PDPN: variants seen among roughly 807,000 people sequenced by gnomAD.
The protein encoded by PDPN is podoplanin.
A neutral mutation model predicts 23.2 loss-of-function variants in PDPN; 12 were observed. The observed-to-expected ratio is 0.52, with a 90% CI of 0.33 to 0.84. The LOEUF (loss-of-function observed/expected upper bound fraction) is 0.84, where lower values mean the gene tolerates loss of function less well. Ranked by LOEUF, PDPN falls within the 40% of genes least tolerant of loss-of-function variation. The pLI, the probability that PDPN is intolerant of heterozygous loss-of-function variation, is 0.02. For synonymous variants in PDPN, 77 were observed against 76.7 expected (o/e 1.00, Z -0.02); for missense variants, 199 against 212.2 (o/e 0.94, Z 0.39).
intron 1 of PDPN, among the ~76,000 whole-genome samples, chr1:13,606,042 T>A (rs1156953167): frequency 6.6e-6 from 1 of 151,552 alleles, no homozygotes; most frequent in Non-Finnish European, 1.5e-5. Context: ...TCGGCTGGAG[T>A]GCAGTGATGC....
chr1:13,615,733 C>G (rs1461006723), intron 5 of PDPN, among the ~76,000 whole-genome samples, 172 bp from the exon 6 acceptor site: 1 of 152,030 alleles, frequency 6.6e-6, no homozygotes, highest in Non-Finnish European at 1.5e-5. Flanking sequence ...GCAGTTTGAC[C>G]CTGCTGTGTG....
intron 4 of PDPN, 147 bp downstream of exon 4, chr1:13,613,872 T>C (rs1225068798): frequency 2.4e-4 from 9 of 36,796 alleles, no homozygotes; most frequent in Non-Finnish European, 3.9e-4. Context: ...ATTTCAAGCT[T>C]TTTTTTTTTT....
At chr1:13,601,960 C>G (rs193225684) in intron 1 of PDPN, among the ~76,000 whole-genome samples, 2 of 150,542 alleles carry the variant, frequency 1.3e-5, no homozygotes, top group Non-Finnish European at 3.0e-5. Flanking sequence ...AGATGTAGGC[C>G]GGGTGCGGTG....
chr1:13,588,096 A>C (rs1640227253), intron 1 of PDPN, among the ~76,000 whole-genome samples: 1 of 151,970 alleles, frequency 6.6e-6, no homozygotes, highest in South Asian at 2.1e-4. Flanking sequence ...TGACATTGTG[A>C]GGCAATGCTA....
At chr1:13,585,507 G>A (rs1405950368) in intron 1 of PDPN, 65 of 1,349,774 alleles carry the variant, frequency 4.8e-5, no homozygotes, top group Non-Finnish European at 4.9e-6. Flanking sequence ...GTGCTCACCA[G>A]GGCAAAGCAA....
chr1:13,594,527 T>C (rs1640437089), intron 1 of PDPN, among the ~76,000 whole-genome samples: 1 of 152,168 alleles, frequency 6.6e-6, no homozygotes, highest in Non-Finnish European at 1.5e-5. Flanking sequence ...TCAGTGCCTG[T>C]GAAGACACAG....
intron 1 of PDPN, among the ~76,000 whole-genome samples, chr1:13,605,282 AG>A (rs1640753610): frequency 1.3e-5 from 2 of 152,230 alleles, no homozygotes; most frequent in African/African-American, 4.8e-5. Context: ...AGTGCTGCCT[AG>A]AGACAAACAA....
intron 1 of PDPN, among the ~76,000 whole-genome samples, chr1:13,596,178 G>GA (rs1640492260): frequency 1.4e-5 from 2 of 143,946 alleles, no homozygotes; most frequent in Admixed American, 1.4e-4. Context: ...TAGCCTGGGT[G>GA]ACAGAGCAAG....
intron 1 of PDPN, among the ~76,000 whole-genome samples, chr1:13,593,196 CAGAA>C (rs781665026): frequency 4.6e-5 from 7 of 152,214 alleles, no homozygotes; most frequent in Admixed American, 1.3e-4. Flanking sequence ...ATAGGAATGA[CAGAA>C]AGCAGATAAT....
chr1:13,601,115 C>T (rs1640631404), intron 1 of PDPN, among the ~76,000 whole-genome samples: 1 of 152,218 alleles, frequency 6.6e-6, no homozygotes, highest in Non-Finnish European at 1.5e-5. Context: ...TGTTTGAATA[C>T]TTACTTTTCC....
intron 1 of PDPN, among the ~76,000 whole-genome samples, chr1:13,584,797 T>C (rs573924106): frequency 1.3e-5 from 2 of 149,780 alleles, no homozygotes; most frequent in East Asian, 4.6e-4. Flanking sequence ...GGCAACAACA[T>C]CAGTGGCTGA....
chr1:13,610,467 A>G lies in PDPN; in HGVS notation c.282A>G (p.Glu94=). 1.2e-6 allele frequency: 2 copies of G among 1,614,120 alleles called. No individual in the cohort carries two copies. Among genetic ancestry groups the G allele is most frequent in the Non-Finnish European group, 1.7e-6 (2 of 1,179,978 alleles). ...PTSESTVHAQ[E]QSPSATASNV... The stretch of plus-strand genomic sequence containing the variant: ...CAGAAAGCACAGTCCACGCGCAAGA[A>G]CAAAGTCCAAGCGCCACAGCCTCAA... Residue 94 remains glutamate (E), a synonymous_variant, in exon 3 of 6, where the codon GAA becomes GAG. Transcript: ENST00000621990.
intron 3 of PDPN, among the ~76,000 whole-genome samples, chr1:13,611,547 G>A (rs937592886): frequency 2.0e-5 from 3 of 152,192 alleles, no homozygotes; most frequent in Non-Finnish European, 4.4e-5. Context: ...ACATAAAGTA[G>A]AGTGGTGGTT....
chr1:13,585,658 G>T (rs1488549742), intron 1 of PDPN: 1 of 1,350,476 alleles, frequency 7.4e-7, no homozygotes, highest in Non-Finnish European at 9.8e-7. Flanking sequence ...AAAAGATGGC[G>T]TTAAAACCGA....
intron 1 of PDPN, among the ~76,000 whole-genome samples, chr1:13,590,332 A>G (rs1640306876): frequency 6.6e-6 from 1 of 152,226 alleles, no homozygotes; most frequent in South Asian, 2.1e-4. Context: ...AAAGAGAGGC[A>G]AGACAGGTGC....
intron 1 of PDPN, chr1:13,595,754 G>A: frequency 3.0e-6 from 2 of 660,818 alleles, no homozygotes; most frequent in Non-Finnish European, 4.8e-6. Flanking sequence ...ACACGAAATT[G>A]AACGGCAGGG....
At chr1:13,608,787 A>G (rs900540855) in intron 2 of PDPN, among the ~76,000 whole-genome samples, 6 of 152,196 alleles carry the variant, frequency 3.9e-5, no homozygotes, top group Non-Finnish European at 7.3e-5. Context: ...TGTCCCTACT[A>G]CTGTGTCCAT....
In PDPN at chr1:13,585,653, A is replaced by G. The variant is rs758003964; in HGVS notation, c.67+1553A>G. The stretch of plus-strand genomic sequence containing the variant: ...TGAATGTCAAAGGTACTCCTAAAAG[A>G]TGGCGTTAAAACCGAAAAACCATCG... On this transcript the variant is annotated intron_variant, in intron 1 of 5. Transcript: ENST00000621990. The G allele has an allele frequency of 4.4e-6, 6 of 1,351,578 alleles. No homozygotes were observed. The Admixed American group carries it at 7.6e-5, about 17-fold the overall frequency. The allele number at this position is 1,351,578 out of a possible 1,614,324, so 83.7% of individuals were successfully genotyped here. A position where few individuals can be genotyped will look rare whatever the true frequency, so the allele number is the denominator to read the frequency against.
Position 13,584,087 on chromosome 1 carries a change from C to T in PDPN, c.54C>T (p.Val18=), listed in dbSNP as rs1225806638. ...LFVLGSASLW[V]LAEGASTGQP... ...TTTTGGGAAGCGCGTCGCTCTGGGT[C>T]CTGGCAGAAGGAGGTAAGACCCAGC... is the stretch of plus-strand genomic sequence containing the variant. Residue 18 remains valine, a synonymous_variant, in exon 1 of 6, where the codon GTC becomes GTT. Coordinates refer to ENST00000621990, the MANE Select transcript of PDPN (RefSeq NM_006474.5). The T allele has an allele frequency of 2.5e-6, 4 of 1,612,912 alleles. No homozygotes were observed. The African/African-American group carries it at 5.3e-5, about 22-fold the overall frequency.
Sources: gnomAD v4.1 joint callset for allele counts (sites outside exome capture counted in the v4.1 genomes callset) on GRCh38, gnomAD v4.1.1 for gene constraint, MANE v1.5 for transcripts, NCBI Gene and HGNC (gene_info 2026-07-23, HGNC 2026-07-21) for gene names.